Variants in ZNF804A observed in about 807,000 individuals in gnomAD.
The protein encoded by ZNF804A is zinc finger protein 804A.
In ZNF804A, 2 loss-of-function variants were observed where a neutral mutation model predicts 16.5. The ratio of observed to expected loss-of-function variants is 0.12; its 90% confidence interval spans 0.05 to 0.38. The LOEUF (loss-of-function observed/expected upper bound fraction) is 0.38. Ranked by LOEUF, ZNF804A falls within the 10% of genes least tolerant of loss-of-function variation. The pLI, the probability that ZNF804A is intolerant of heterozygous loss-of-function variation, is 0.99. For synonymous variants in ZNF804A, 534 were observed against 489.6 expected (o/e 1.09, Z -1.20); for missense variants, 1,473 against 1,390.7 (o/e 1.06, Z -0.94).
chr2:184,601,260 G>T (rs1447571728), intron 1 of ZNF804A, among the ~76,000 whole-genome samples: 2 of 151,954 alleles, frequency 1.3e-5, no homozygotes, highest in African/African-American at 4.8e-5. Context: ...CTGTCTTTAA[G>T]TATAACAGAA....
chr2:184,695,987 G>A (rs1692825168), intron 1 of ZNF804A, among the ~76,000 whole-genome samples: 1 of 152,048 alleles, frequency 6.6e-6, no homozygotes, highest in Non-Finnish European at 1.5e-5. Context: ...TAAACATGAT[G>A]TGAGTTCTAA....
intron 2 of ZNF804A, among the ~76,000 whole-genome samples, chr2:184,899,345 G>C (rs969089592): frequency 6.6e-6 from 1 of 151,926 alleles, no homozygotes; most frequent in Non-Finnish European, 1.5e-5. Context: ...TGCATTTATT[G>C]CTCCAAAATG....
intron 1 of ZNF804A, among the ~76,000 whole-genome samples, chr2:184,629,266 TA>T (rs142360209): frequency 0.026 from 3,925 of 152,256 alleles, 72 homozygotes; most frequent in Non-Finnish European, 0.04. Flanking sequence ...ATAATAATGT[TA>T]TTTTTTTGGC....
intron 1 of ZNF804A, among the ~76,000 whole-genome samples, chr2:184,857,229 G>A (rs550201151): frequency 6.6e-6 from 1 of 151,906 alleles, no homozygotes; most frequent in African/African-American, 2.4e-5. Flanking sequence ...AATTTCTTCA[G>A]TGACTGATTG....
chr2:184,704,857 G>C (rs1286323764), intron 1 of ZNF804A, among the ~76,000 whole-genome samples: 1 of 152,210 alleles, frequency 6.6e-6, no homozygotes, highest in East Asian at 1.9e-4. Flanking sequence ...CTCAAACCTT[G>C]AGGGGATGCC....
At chr2:184,714,423 G>C (rs1693182499) in intron 1 of ZNF804A, among the ~76,000 whole-genome samples, 1 of 151,998 alleles carries the variant, frequency 6.6e-6, no homozygotes, top group South Asian at 2.1e-4. Flanking sequence ...GTTTAGAATT[G>C]TTATATTCTG....
intron 2 of ZNF804A, among the ~76,000 whole-genome samples, chr2:184,894,439 A>AT (rs1338716045): frequency 6.6e-6 from 1 of 151,956 alleles, no homozygotes; most frequent in Non-Finnish European, 1.5e-5. Flanking sequence ...ACTATTAAAA[A>AT]TTTTTTTATT....
intron 1 of ZNF804A, among the ~76,000 whole-genome samples, chr2:184,817,745 G>A (rs1695004817): frequency 6.6e-6 from 1 of 151,904 alleles, no homozygotes; most frequent in Non-Finnish European, 1.5e-5. Context: ...CACAACACAA[G>A]AAATTCACAA....
intron 1 of ZNF804A, among the ~76,000 whole-genome samples, chr2:184,823,644 G>A (rs2105792120): frequency 6.6e-6 from 1 of 152,120 alleles, no homozygotes; most frequent in South Asian, 2.1e-4. Context: ...TGGATATACA[G>A]CTTTAGAATG....
chr2:184,637,743 ACTAG>A (rs1489246903), intron 1 of ZNF804A, among the ~76,000 whole-genome samples: 1 of 152,088 alleles, frequency 6.6e-6, no homozygotes, highest in Non-Finnish European at 1.5e-5. Flanking sequence ...TTTATTTTGA[ACTAG>A]CTATTTAAAT....
chr2:184,617,589 A>G (rs959374339), intron 1 of ZNF804A, among the ~76,000 whole-genome samples: 1 of 151,660 alleles, frequency 6.6e-6, no homozygotes, highest in East Asian at 1.9e-4. Flanking sequence ...AAAATATGGT[A>G]TAGGTACTCT....
intron 1 of ZNF804A, among the ~76,000 whole-genome samples, chr2:184,711,733 A>T (rs913810893): frequency 6.6e-6 from 1 of 151,560 alleles, no homozygotes; most frequent in Non-Finnish European, 1.5e-5. Flanking sequence ...TATTGAAGAG[A>T]CTGTCCTTTC....
chr2:184,918,741 A>T (rs1052342305), intron 2 of ZNF804A, among the ~76,000 whole-genome samples: 1 of 152,154 alleles, frequency 6.6e-6, no homozygotes, highest in Admixed American at 6.6e-5. Flanking sequence ...AGGTTTATGT[A>T]AAAAGACTTT....
At chr2:184,724,175 C>A (rs1367004353) in intron 1 of ZNF804A, among the ~76,000 whole-genome samples, 1 of 151,640 alleles carries the variant, frequency 6.6e-6, no homozygotes, top group African/African-American at 2.4e-5. Flanking sequence ...CTGCTTCAAG[C>A]AGCTGGTAGT....
At position 184,938,635 on chromosome 2, in the gene ZNF804A, C is replaced by T; in HGVS notation, c.3239C>T (p.Pro1080Leu). ...PPAALPPPST[P>L]LQPLPLQQSL... ...GCTGCCCTCCCACCCCCTAGCACAC[C>T]TCTGCAGCCTTTGCCTTTGCAGCAG... The change falls in exon 4 of 4, where the codon CCT becomes CTT. Residue 1080 changes from proline (P) to leucine (L), a missense_variant. Coordinates refer to ENST00000302277, the MANE Select transcript of ZNF804A (RefSeq NM_194250.2). The T allele has an allele frequency of 6.2e-7, 1 of 1,613,992 alleles. No individual in the cohort carries two copies. Among genetic ancestry groups the T allele is most frequent in the Non-Finnish European group, 8.5e-7 (1 of 1,179,982 alleles).
At chr2:184,707,814 T>C (rs1237309629) in intron 1 of ZNF804A, among the ~76,000 whole-genome samples, 2 of 152,164 alleles carry the variant, frequency 1.3e-5, no homozygotes, top group African/African-American at 4.8e-5. Flanking sequence ...TACCCAGTAA[T>C]AAGATTGCTG....
intron 1 of ZNF804A, among the ~76,000 whole-genome samples, chr2:184,605,516 G>C (rs1276463530): frequency 6.6e-6 from 1 of 151,828 alleles, no homozygotes; most frequent in Non-Finnish European, 1.5e-5. Context: ...ACTCAAAAAA[G>C]AAAAAAAGCA....
intron 1 of ZNF804A, among the ~76,000 whole-genome samples, chr2:184,720,621 T>C (rs143102581): frequency 4.0e-4 from 61 of 152,080 alleles, no homozygotes; most frequent in Admixed American, 8.5e-4. Flanking sequence ...CAAAAACAAA[T>C]GGAAAGATGT....
chr2:184,660,088 G>A (rs907018202), intron 1 of ZNF804A, among the ~76,000 whole-genome samples: 1 of 152,184 alleles, frequency 6.6e-6, no homozygotes, highest in South Asian at 2.1e-4. Flanking sequence ...TCCAGCCAAG[G>A]TGACAGTGAG....
Sources: gnomAD v4.1 joint callset for allele counts (sites outside exome capture counted in the v4.1 genomes callset) on GRCh38, gnomAD v4.1.1 for gene constraint, MANE v1.5 for transcripts, NCBI Gene and HGNC (gene_info 2026-07-23, HGNC 2026-07-21) for gene names.